Variants in HSPG2 observed in about 807,000 individuals in gnomAD.
The protein encoded by HSPG2 is basement membrane-specific heparan sulfate proteoglycan core protein.
In HSPG2, 278 loss-of-function variants were observed where a neutral mutation model predicts 526.6. The observed-to-expected ratio is 0.53, with a 90% CI of 0.48 to 0.58. The LOEUF (loss-of-function observed/expected upper bound fraction) is 0.58. Among genes scored for constraint, HSPG2 ranks in the 20% least tolerant of loss-of-function variants. The pLI is 0.00. For synonymous variants in HSPG2, 2,465 were observed against 2,555.4 expected, an observed-to-expected ratio of 0.96 and a Z score of 1.07; for missense variants, 5,354 against 6,099.5, an observed-to-expected ratio of 0.88 and a Z score of 4.07.
At chr1:21,867,194 G>T (rs940574079) in intron 33 of HSPG2, among the ~76,000 whole-genome samples, 7 of 144,656 alleles carry the variant, frequency 4.8e-5, no homozygotes, top group Non-Finnish European at 1.0e-4. Context: ...GGACTCAAGC[G>T]ATTGTCCTGC....
At position 21,830,977 on chromosome 1, in the gene HSPG2, C is replaced by G. The variant is rs77527456; in HGVS notation, c.11671+5G>C. 2 of 1,567,344 alleles carry G rather than the reference C, an allele frequency of 1.3e-6. No homozygotes were observed. ...GCGACAGCGACTGGCGGTCGGGGTG[C>G]GTACCTGGATGGCAGTGCAGGGCCT... On this transcript the variant is annotated splice_donor_5th_base_variant and intron_variant, in intron 85 of 96. Coordinates refer to ENST00000374695, the MANE Select transcript of HSPG2 (RefSeq NM_005529.7).
intron 75 of HSPG2, 53 bp downstream of exon 75, chr1:21,836,749 G>GT: frequency 6.8e-7 from 1 of 1,476,500 alleles, no homozygotes; most frequent in Non-Finnish European, 9.2e-7. Flanking sequence ...TCTGCTCACT[G>GT]TGAGCCCTGG....
At position 21,828,025 on chromosome 1, in the gene HSPG2, G is replaced by C; in HGVS notation, c.12532+5C>G. The C allele has an allele frequency of 6.2e-7, 1 of 1,613,652 alleles. No individual in the cohort carries two copies. The highest frequency in any genetic ancestry group is 8.5e-7 in the Non-Finnish European group (1 of 1,179,996). ...ATGAAGTGGAGAGAAGCCAGGCCTG[G>C]GTACCTTGTTGGCAGCGTGGGCCAG... On this transcript the variant is annotated splice_donor_5th_base_variant and intron_variant, in intron 90 of 96. Coordinates refer to ENST00000374695, the MANE Select transcript of HSPG2 (RefSeq NM_005529.7). The surrounding 1 kb of genome is among the most constrained non-coding windows in gnomAD (Gnocchi z 6.0).
chr1:21,827,584 C>T (rs140999091), intron 91 of HSPG2, among the ~76,000 whole-genome samples: 1 of 152,180 alleles, frequency 6.6e-6, no homozygotes. Flanking sequence ...ATTTACTGCT[C>T]TCAGGGCAAG....
Position 21,830,591 on chromosome 1 carries a change from G to A in HSPG2, c.11671+391C>T, listed in dbSNP as rs1572152010. 1.4e-5 allele frequency: 4 copies of A among 293,724 alleles called. No homozygotes were observed. In the East Asian group the frequency reaches 3.3e-4, roughly 24 times the overall value. 18.2% of individuals were successfully genotyped at this position (293,724 alleles called of 1,614,324 possible). ...TGTATTCCCAGCTACTCAGGAGGCT[G>A]AGGCAGGAGAATCGCTTGAACCCGG... On this transcript the variant is annotated intron_variant, in intron 85 of 96. Coordinates refer to ENST00000374695, the MANE Select transcript of HSPG2 (RefSeq NM_005529.7).
intron 85 of HSPG2, 79 bp downstream of exon 85, chr1:21,830,903 G>T: frequency 2.2e-6 from 2 of 923,178 alleles, no homozygotes; most frequent in Non-Finnish European, 3.4e-6. Flanking sequence ...CAGTGGTTGA[G>T]ATGGTGGTGG....
Position 21,831,749 on chromosome 1 carries a change from A to G in HSPG2, c.11255T>C (p.Leu3752Pro). The G allele has an allele frequency of 6.2e-7, 1 of 1,605,530 alleles. No individual in the cohort carries two copies. The highest frequency in any genetic ancestry group is 8.5e-7 in the Non-Finnish European group (1 of 1,174,120). The change falls in exon 82 of 97, where the codon CTG becomes CCG. Residue 3752 changes from leucine (L) to proline (P), a missense_variant. Coordinates refer to ENST00000374695, the MANE Select transcript of HSPG2 (RefSeq NM_005529.7). The stretch of plus-strand genomic sequence containing the variant: ...CACGGTGTGGAAATGGCCCAGGGCC[A>G]GTGGTGTGGGATGGCGGATGGTGGC... ...GMATIRHPTP[L>P]ALGHFHTVTL...
chr1:21,895,990 T>C lies in HSPG2; in HGVS notation c.200-24A>G. 6.2e-7 allele frequency: 1 copy of C among 1,613,582 alleles called. No individual in the cohort carries two copies. The highest frequency in any genetic ancestry group is 8.5e-7 in the Non-Finnish European group (1 of 1,179,598). On this transcript the variant is annotated intron_variant, in intron 2 of 96. Coordinates refer to ENST00000374695, the MANE Select transcript of HSPG2 (RefSeq NM_005529.7). The surrounding 1 kb of genome is among the most constrained non-coding windows in gnomAD (Gnocchi z 4.1). ...GTCTATAAGCAAAAAAGAGATGTAA[T>C]CAGCAACAACAAGTATTTGTTGAGT...
chr1:21,887,195 C>G lies in HSPG2; in HGVS notation c.1078+20G>C. On this transcript the variant is annotated intron_variant, in intron 9 of 96. Transcript: ENST00000374695. This position sits in a 1 kb window ranked among gnomAD's most constrained non-coding sequence, Gnocchi z 5.0. ...CCTGGGCAGGGCAAGGGGGCCTCAG[C>G]TGGACCCTCGGATACTCACGGCAGT... The G allele has an allele frequency of 6.3e-7, 1 of 1,599,738 alleles. No individual in the cohort carries two copies. Among genetic ancestry groups the G allele is most frequent in the South Asian group, 1.1e-5 (1 of 89,492 alleles).
In HSPG2 at chr1:21,850,088, G is replaced by T; in HGVS notation, c.7399C>A (p.Gln2467Lys). ...NCLVAGQAHA[Q>K]VTWHKRGGSL... ...CCCCCGCGCTTGTGCCACGTGACCT[G>T]GGCATGGGCCTGACCAGCAACGAGG... The change falls in exon 57 of 97, where the codon CAG becomes AAG. Residue 2467 changes from glutamine (Q) to lysine (K), a missense_variant. Transcript: ENST00000374695. 6.2e-7 allele frequency: 1 copy of T among 1,613,518 alleles called. No individual in the cohort carries two copies. The highest frequency in any genetic ancestry group is 8.5e-7 in the Non-Finnish European group (1 of 1,180,030).
intron 1 of HSPG2, among the ~76,000 whole-genome samples, chr1:21,920,950 C>T (rs905643642): frequency 6.6e-6 from 1 of 152,148 alleles, no homozygotes; most frequent in African/African-American, 2.4e-5. Context: ...CCTCCTCCCC[C>T]GGGCAGATCT....
At chr1:21,920,062 A>G (rs1219522259) in intron 1 of HSPG2, among the ~76,000 whole-genome samples, 1 of 152,090 alleles carries the variant, frequency 6.6e-6, no homozygotes, top group African/African-American at 2.4e-5. Context: ...ATGCACCACC[A>G]CACCCAGCTA....
At position 21,828,811 on chromosome 1, in the gene HSPG2, T is replaced by C. The variant is rs748067209; in HGVS notation, c.12237+24A>G. ...AGGCTTGGCACCCCTCCCCTCCCGC[T>C]TGTCCCGAGGAGGCTGCTCTTACCT... is the stretch of plus-strand genomic sequence containing the variant. On this transcript the variant is annotated intron_variant, in intron 88 of 96. Coordinates refer to ENST00000374695, the MANE Select transcript of HSPG2 (RefSeq NM_005529.7). The surrounding 1 kb of genome is among the most constrained non-coding windows in gnomAD (Gnocchi z 6.0). 1.3e-6 allele frequency: 2 copies of C among 1,550,212 alleles called. No homozygotes were observed. Among genetic ancestry groups the C allele is most frequent in the East Asian group, 4.9e-5 (2 of 40,876 alleles).
intron 6 of HSPG2, among the ~76,000 whole-genome samples, 187 bp from the exon 7 acceptor site, chr1:21,888,253 C>T (rs1418182681): frequency 2.6e-5 from 4 of 152,322 alleles, no homozygotes; most frequent in Non-Finnish European, 4.4e-5. Context: ...ATGGGACATG[C>T]GGCAGTGGCC....
In HSPG2 at chr1:21,865,359, T is replaced by C. The variant is rs774317050; in HGVS notation, c.4321A>G (p.Asn1441Asp). Residue 1441 changes from asparagine (N) to aspartate (D), a missense_variant, in exon 35 of 97, where the codon AAC becomes GAC. Transcript: ENST00000374695. The surrounding 1 kb of genome is among the most constrained non-coding windows in gnomAD (Gnocchi z 5.4). ...GGCTGGGAGGCCACTAGCATGATGT[T>C]GTTGCCCTGGAAAGACACCAGCAGG... ...SDPDVQITGN[N>D]IMLVASQPAL... 1 of 1,614,030 alleles carries C rather than the reference T, an allele frequency of 6.2e-7. No homozygotes were observed. Among genetic ancestry groups the C allele is most frequent in the Admixed American group, 1.7e-5 (1 of 60,024 alleles).
chr1:21,891,685 A>T (rs149327929), intron 3 of HSPG2, among the ~76,000 whole-genome samples: 1 of 152,128 alleles, frequency 6.6e-6, no homozygotes, highest in East Asian at 1.9e-4. Context: ...ATCACAGCTC[A>T]CTGCAGCCTC....
intron 78 of HSPG2, 63 bp from the exon 79 acceptor site, chr1:21,833,677 A>T (rs995018315): frequency 6.2e-7 from 1 of 1,606,138 alleles, no homozygotes; most frequent in African/African-American, 1.3e-5. Flanking sequence ...CCCACCTCCC[A>T]TCTGTGCCTC....
At position 21,829,610 on chromosome 1, in the gene HSPG2, G is replaced by T; in HGVS notation, c.11771-6C>A. 6.2e-7 allele frequency: 1 copy of T among 1,600,258 alleles called. No individual in the cohort carries two copies. Among genetic ancestry groups the T allele is most frequent in the Non-Finnish European group, 8.5e-7 (1 of 1,171,956 alleles). Reference sequence around the variant, plus strand: ...GGGGGTGGTCACTGTCACACCTGCAGCAGCCACAGCTCAGCTGAGGCAGTG... The same window carrying T: ...GGGGGTGGTCACTGTCACACCTGCATCAGCCACAGCTCAGCTGAGGCAGTG... On this transcript the variant is annotated splice_region_variant and splice_polypyrimidine_tract_variant and intron_variant, in intron 86 of 96. Transcript: ENST00000374695.
At chr1:21,884,308 G>A (rs1050969923) in intron 13 of HSPG2, among the ~76,000 whole-genome samples, 2 of 152,170 alleles carry the variant, frequency 1.3e-5, no homozygotes, top group Non-Finnish European at 2.9e-5. Flanking sequence ...CGTCCTCGCC[G>A]TAACCTGAAG....
Sources: gnomAD v4.1 joint callset for allele counts (sites outside exome capture counted in the v4.1 genomes callset) on GRCh38, gnomAD v4.1.1 for gene constraint, Gnocchi (gnomAD v3.1) non-coding constraint, MANE v1.5 for transcripts, NCBI Gene and HGNC (gene_info 2026-07-23, HGNC 2026-07-21) for gene names.